DCDC1: variants seen among roughly 807,000 people sequenced by gnomAD.
The protein encoded by DCDC1 is doublecortin domain containing 1, also known as doublecortin domain-containing protein 1.
Under a neutral mutation model 178.3 loss-of-function variants are expected in DCDC1, and 200 were observed. The observed-to-expected ratio is 1.12, with a 90% CI of 1.00 to 1.26. DCDC1 has a LOEUF of 1.26. DCDC1 is among the 50% of genes most tolerant of loss of function. The pLI is 0.00. For missense variants in DCDC1, 1,983 were observed against 1,749.2 expected, an observed-to-expected ratio of 1.13 and a Z score of -2.38; for synonymous variants, 690 against 604.8, an observed-to-expected ratio of 1.14 and a Z score of -2.07.
At chr11:31,197,806 A>T (rs926369994) in intron 9 of DCDC1, among the ~76,000 whole-genome samples, 7 of 152,012 alleles carry the variant, frequency 4.6e-5, no homozygotes, top group Non-Finnish European at 8.8e-5. Flanking sequence ...CATCTTAAGG[A>T]CCATTTCAGG....
At chr11:31,349,739 C>G (rs986479935) in intron 1 of DCDC1, among the ~76,000 whole-genome samples, 1 of 151,942 alleles carries the variant, frequency 6.6e-6, no homozygotes, top group Non-Finnish European at 1.5e-5. Context: ...GTGGCTCACA[C>G]GTGTACCCCC....
chr11:30,920,816 C>G lies in DCDC1; in HGVS notation c.3253G>C (p.Glu1085Gln), dbSNP rs1946198943. Residue 1085 changes from glutamate to glutamine, a missense_variant, in exon 25 of 39, where the codon GAA becomes CAA. Transcript: ENST00000684477. ...GCATTTTCCGTTGTTAGAGGATCTTCTTGCATTTGCTTTTCTTCCGGTTCT... is the reference window on the plus strand; with the variant it reads ...GCATTTTCCGTTGTTAGAGGATCTTGTTGCATTTGCTTTTCTTCCGGTTCT... Reference protein sequence around the residue: ...VTEPEEKQMQEDPLTTENASS... With the variant: ...VTEPEEKQMQQDPLTTENASS... 1 of 1,613,516 alleles carries G rather than the reference C, an allele frequency of 6.2e-7. No homozygotes were observed.
intron 25 of DCDC1, among the ~76,000 whole-genome samples, chr11:30,919,702 G>C (rs907327466): frequency 6.6e-6 from 1 of 152,090 alleles, no homozygotes; most frequent in African/African-American, 2.4e-5. Context: ...ATCCAAATGA[G>C]GAAGTTTGGT....
intron 20 of DCDC1, among the ~76,000 whole-genome samples, chr11:31,012,566 T>A (rs997086317): frequency 6.6e-6 from 1 of 151,036 alleles, no homozygotes; most frequent in Non-Finnish European, 1.5e-5. Flanking sequence ...GACTGTGCCA[T>A]TGCATTCCGG....
At chr11:31,219,369 A>T (rs962987979) in intron 9 of DCDC1, among the ~76,000 whole-genome samples, 2 of 152,126 alleles carry the variant, frequency 1.3e-5, no homozygotes, top group African/African-American at 4.8e-5. Context: ...TGAGTATCAG[A>T]ATCAACTCTA....
chr11:31,259,888 T>A (rs1944667870), intron 8 of DCDC1, among the ~76,000 whole-genome samples: 1 of 152,182 alleles, frequency 6.6e-6, no homozygotes, highest in South Asian at 2.1e-4. Context: ...GTCATGTGGG[T>A]CTGAATTATG....
intron 9 of DCDC1, among the ~76,000 whole-genome samples, chr11:31,233,941 T>G (rs1008811375): frequency 9.2e-5 from 14 of 152,218 alleles, no homozygotes; most frequent in Non-Finnish European, 1.5e-4. Flanking sequence ...ATTTTCAATT[T>G]TATTTAATTT....
intron 1 of DCDC1, among the ~76,000 whole-genome samples, chr11:31,349,441 C>T (rs185531662): frequency 6.6e-6 from 1 of 152,172 alleles, no homozygotes; most frequent in East Asian, 1.9e-4. Flanking sequence ...ACAATGAATT[C>T]AATGTTGACA....
At chr11:31,135,795 AGAT>A (rs1181929211) in intron 10 of DCDC1, among the ~76,000 whole-genome samples, 1 of 152,288 alleles carries the variant, frequency 6.6e-6, no homozygotes, top group South Asian at 2.1e-4. Flanking sequence ...AAAAAAATAA[AGAT>A]GATGATAACA....
chr11:31,286,286 C>T (rs1411700265), intron 7 of DCDC1, among the ~76,000 whole-genome samples: 1 of 151,932 alleles, frequency 6.6e-6, no homozygotes, highest in Non-Finnish European at 1.5e-5. Context: ...AAACTGTGGT[C>T]CTTTTGCCTA....
intron 16 of DCDC1, among the ~76,000 whole-genome samples, chr11:31,092,897 C>G (rs571848649): frequency 3.9e-5 from 6 of 152,122 alleles, no homozygotes; most frequent in Non-Finnish European, 7.4e-5. Flanking sequence ...TGTTTTATAT[C>G]ACAATGAAAG....
intron 18 of DCDC1, among the ~76,000 whole-genome samples, chr11:31,075,846 C>T (rs181144064): frequency 8.5e-5 from 13 of 152,082 alleles, no homozygotes; most frequent in Admixed American, 5.9e-4. Flanking sequence ...CATGCCTGGC[C>T]CATTCATTCT....
intron 6 of DCDC1, among the ~76,000 whole-genome samples, chr11:31,294,355 T>C: frequency 6.6e-6 from 1 of 151,500 alleles, no homozygotes; most frequent in African/African-American, 2.4e-5. Flanking sequence ...GCCGAGGCAG[T>C]TGGATCACCC....
intron 9 of DCDC1, among the ~76,000 whole-genome samples, chr11:31,139,419 G>C (rs930645807): frequency 2.6e-5 from 4 of 152,162 alleles, no homozygotes; most frequent in Admixed American, 1.3e-4. Flanking sequence ...GGAAGCCTAG[G>C]TGTGAACCAT....
intron 38 of DCDC1, among the ~76,000 whole-genome samples, chr11:30,876,258 T>A (rs12280007): frequency 0.024 from 3,611 of 152,260 alleles, 123 homozygotes; most frequent in African/African-American, 0.082. Flanking sequence ...ATAAACATGT[T>A]CCCAAAGGAA....
chr11:31,238,732 C>A (rs933803200), intron 9 of DCDC1, among the ~76,000 whole-genome samples: 9 of 152,126 alleles, frequency 5.9e-5, no homozygotes, highest in African/African-American at 1.2e-4. Context: ...TAAATAGATT[C>A]TGCTTAGCTC....
At chr11:31,075,152 T>C (rs935328403) in intron 18 of DCDC1, among the ~76,000 whole-genome samples, 1 of 152,188 alleles carries the variant, frequency 6.6e-6, no homozygotes, top group Non-Finnish European at 1.5e-5. Context: ...ATGGGTTTTG[T>C]CTTTCTTTTT....
intron 6 of DCDC1, among the ~76,000 whole-genome samples, chr11:31,294,801 A>G (rs1202555973): frequency 1.0e-4 from 1 of 9,904 alleles, no homozygotes; most frequent in African/African-American, 3.7e-4. Flanking sequence ...ATAAAGAAAA[A>G]GAAAGAAAGA....
chr11:31,095,130 T>C (rs1958067556), intron 15 of DCDC1, among the ~76,000 whole-genome samples: 3 of 152,214 alleles, frequency 2.0e-5, no homozygotes, highest in Admixed American at 2.0e-4. Flanking sequence ...AACTTTTTTA[T>C]GGTTGCATAG....
Sources: allele counts gnomAD v4.1 joint callset (sites outside exome capture counted in the v4.1 genomes callset), GRCh38; gene constraint gnomAD v4.1.1; transcripts MANE v1.5; gene names NCBI Gene and HGNC (gene_info 2026-07-23, HGNC 2026-07-21).